The following ADGRL2 variants were observed in gnomAD, a reference collection of about 807,000 sequenced individuals.
ADGRL2 encodes the protein adhesion G protein-coupled receptor L2.
Under a neutral mutation model 157.4 loss-of-function variants are expected in ADGRL2, and 44 were observed. The observed-to-expected ratio is 0.28, with a 90% confidence interval of 0.22 to 0.36. The LOEUF (loss-of-function observed/expected upper bound fraction) is 0.36. Ranked by LOEUF, ADGRL2 falls within the 10% of genes least tolerant of loss-of-function variation. The pLI, the probability that ADGRL2 is intolerant of heterozygous loss-of-function variation, is 1.00. For synonymous variants in ADGRL2, 585 were observed against 624.7 expected, an observed-to-expected ratio of 0.94 and a Z score of 0.95; for missense variants, 1,510 against 1,768.9, an observed-to-expected ratio of 0.85 and a Z score of 2.63.
intron 2 of ADGRL2, among the ~76,000 whole-genome samples, chr1:81,905,862 T>G (rs1369596224): frequency 3.9e-5 from 6 of 151,970 alleles, no homozygotes; most frequent in Non-Finnish European, 7.4e-5. Flanking sequence ...TATTTTCTAT[T>G]AAAATAAATA....
At chr1:81,465,339 AAATT>A (rs1210459633) in intron 2 of ADGRL2, among the ~76,000 whole-genome samples, 10 of 152,288 alleles carry the variant, frequency 6.6e-5, no homozygotes, top group African/African-American at 1.7e-4. Context: ...TAGATATCAG[AAATT>A]AATTACTATT....
At chr1:81,652,824 G>A (rs930863602) in intron 3 of ADGRL2, among the ~76,000 whole-genome samples, 2 of 152,232 alleles carry the variant, frequency 1.3e-5, no homozygotes, top group Admixed American at 6.5e-5. Flanking sequence ...GAGTGAGGGG[G>A]TGATTTATTA....
intron 1 of ADGRL2, among the ~76,000 whole-genome samples, chr1:81,438,856 C>G (rs1454472491): frequency 6.6e-6 from 1 of 151,990 alleles, no homozygotes; most frequent in East Asian, 1.9e-4. Flanking sequence ...TGTTTTTTCC[C>G]TTATCATTGC....
chr1:81,942,285 C>T (rs1271501522), intron 5 of ADGRL2, among the ~76,000 whole-genome samples: 1 of 151,738 alleles, frequency 6.6e-6, no homozygotes, highest in Non-Finnish European at 1.5e-5. Context: ...CTTTTTTACC[C>T]TTTATCTCTT....
At chr1:81,406,496 C>T (rs1407197331) in intron 1 of ADGRL2, among the ~76,000 whole-genome samples, 5 of 152,066 alleles carry the variant, frequency 3.3e-5, no homozygotes, top group African/African-American at 9.7e-5. Context: ...ATTTCTCAAC[C>T]CAGTTTTTTG....
At chr1:81,852,679 G>A (rs1439076567) in intron 2 of ADGRL2, among the ~76,000 whole-genome samples, 1 of 151,872 alleles carries the variant, frequency 6.6e-6, no homozygotes, top group Non-Finnish European at 1.5e-5. Flanking sequence ...TATCTGATGT[G>A]CCATGCTGCC....
chr1:81,461,939 G>A (rs1205968681), intron 2 of ADGRL2, among the ~76,000 whole-genome samples: 1 of 145,802 alleles, frequency 6.9e-6, no homozygotes, highest in Non-Finnish European at 1.5e-5. Context: ...AAGGGGGGGG[G>A]GGGTGGTGGA....
At chr1:81,590,310 A>G (rs1447058242) in intron 3 of ADGRL2, among the ~76,000 whole-genome samples, 2 of 152,078 alleles carry the variant, frequency 1.3e-5, no homozygotes, top group African/African-American at 2.4e-5. Context: ...GATTATGTGT[A>G]TGAACCAATA....
chr1:81,557,467 G>GAAGAAAAGA (rs1553123681), intron 2 of ADGRL2: 2 of 122,094 alleles, frequency 1.6e-5, no homozygotes, highest in African/African-American at 6.2e-5. Flanking sequence ...AAGAAAGAAA[G>GAAGAAAAGA]AAGAAAGAAA....
chr1:81,505,655 C>G (rs1432177154), intron 2 of ADGRL2, among the ~76,000 whole-genome samples: 1 of 149,352 alleles, frequency 6.7e-6, no homozygotes, highest in Non-Finnish European at 1.5e-5. Flanking sequence ...CTCCTGCTCT[C>G]CATCTTATAT....
At chr1:81,681,949 AAT>A (rs1280505339) in intron 3 of ADGRL2, among the ~76,000 whole-genome samples, 1 of 152,256 alleles carries the variant, frequency 6.6e-6, no homozygotes, top group East Asian at 1.9e-4. Flanking sequence ...ATGAGCAATG[AAT>A]CCTAAATATA....
chr1:81,590,031 A>G (rs2081101570), intron 3 of ADGRL2, among the ~76,000 whole-genome samples: 1 of 152,144 alleles, frequency 6.6e-6, no homozygotes, highest in African/African-American at 2.4e-5. Flanking sequence ...CATATCTTAT[A>G]TCTACCAATC....
chr1:81,989,714 G>T, intron 23 of ADGRL2: 7 of 1,610,214 alleles, frequency 4.3e-6, no homozygotes, highest in East Asian at 2.2e-5. Flanking sequence ...TCCAAAGTGA[G>T]TCATTCCACC....
At chr1:81,747,074 GTA>G (rs2085301178) in intron 1 of ADGRL2, among the ~76,000 whole-genome samples, 1 of 144,902 alleles carries the variant, frequency 6.9e-6, no homozygotes, top group Non-Finnish European at 1.5e-5. Flanking sequence ...GTGTATATAT[GTA>G]TATATGTGTA....
intron 2 of ADGRL2, among the ~76,000 whole-genome samples, chr1:81,559,417 A>G (rs763652024): frequency 1.8e-4 from 27 of 151,596 alleles, no homozygotes; most frequent in Admixed American, 7.9e-4. Context: ...ACATCACAGT[A>G]CGTGGTCTGT....
At chr1:81,810,347 A>G (rs1163862478) in intron 1 of ADGRL2, among the ~76,000 whole-genome samples, 1 of 151,884 alleles carries the variant, frequency 6.6e-6, no homozygotes, top group African/African-American at 2.4e-5. Flanking sequence ...CATGTTTAAA[A>G]TGAGTTTCCC....
intron 3 of ADGRL2, among the ~76,000 whole-genome samples, chr1:81,626,693 G>T (rs1318856596): frequency 2.0e-5 from 3 of 152,216 alleles, no homozygotes; most frequent in Non-Finnish European, 2.9e-5. Flanking sequence ...GAGTCAACTG[G>T]CCAGGGCGGT....
chr1:81,417,625 T>A (rs559926407), intron 1 of ADGRL2, among the ~76,000 whole-genome samples: 10 of 152,260 alleles, frequency 6.6e-5, no homozygotes, highest in Admixed American at 5.2e-4. Flanking sequence ...ACAGAGAAAA[T>A]ATATTACTAG....
chr1:81,573,995 G>A (rs1018799553), intron 2 of ADGRL2, among the ~76,000 whole-genome samples: 6 of 152,046 alleles, frequency 3.9e-5, no homozygotes, highest in Non-Finnish European at 7.4e-5. Context: ...CTATTCCTGG[G>A]GCGTCTGCTT....
Sources: gnomAD v4.1 joint callset for allele counts (sites outside exome capture counted in the v4.1 genomes callset) on GRCh38, gnomAD v4.1.1 for gene constraint, MANE v1.5 for transcripts, NCBI Gene and HGNC (gene_info 2026-07-23, HGNC 2026-07-21) for gene names.